Variants in NGEF observed in about 807,000 individuals in gnomAD.
The protein encoded by NGEF is neuronal guanine nucleotide exchange factor.
A neutral mutation model predicts 80.9 loss-of-function variants in NGEF; 31 were observed. The observed-to-expected ratio is 0.38, with a 90% CI of 0.29 to 0.52. The LOEUF is 0.52. NGEF is among the 20% of genes least tolerant of loss of function. The pLI, the probability that NGEF is intolerant of heterozygous loss-of-function variation, is 0.84. For synonymous variants in NGEF, 371 were observed against 370.2 expected, an observed-to-expected ratio of 1.00 and a Z score of -0.03; for missense variants, 709 against 926.2, an observed-to-expected ratio of 0.77 and a Z score of 3.04.
intron 3 of NGEF, among the ~76,000 whole-genome samples, chr2:232,960,092 C>G (rs1439483269): frequency 6.6e-6 from 1 of 152,226 alleles, no homozygotes; most frequent in Non-Finnish European, 1.5e-5. Flanking sequence ...TGGCCATTGC[C>G]AGGAACAGAG....
chr2:232,991,224 G>T (rs952734114), intron 1 of NGEF, among the ~76,000 whole-genome samples: 2 of 151,928 alleles, frequency 1.3e-5, no homozygotes, highest in African/African-American at 4.8e-5. Context: ...TATAATGGAG[G>T]TTATAAGACC....
In NGEF at chr2:232,986,229, G is replaced by A. The variant is rs144586299; in HGVS notation, c.-74-11265C>T. 2.8e-3 allele frequency among the ~76,000 whole-genome samples: 420 copies of A among 152,344 alleles called. 3 individuals are homozygous for A. The highest frequency in any genetic ancestry group is 9.2e-3 in the African/African-American group (383 of 41,586). ...AGAGCAAGTGTTGGTGAACGAAGAT[G>A]TGGGAAAAGGGCACCCTTGTGTGCT... On this transcript the variant is annotated intron_variant, in intron 1 of 14. Transcript: ENST00000264051.
chr2:232,888,373 C>T (rs1691767123), intron 8 of NGEF, among the ~76,000 whole-genome samples: 4 of 22,268 alleles, frequency 1.8e-4, no homozygotes, highest in African/African-American at 6.5e-4. Flanking sequence ...ACATGCACAC[C>T]GTGTAGAAAC....
intron 1 of NGEF, among the ~76,000 whole-genome samples, chr2:232,999,800 T>C (rs958815478): frequency 2.6e-5 from 4 of 152,242 alleles, no homozygotes; most frequent in African/African-American, 4.8e-5. Flanking sequence ...GATGTTTATG[T>C]GCAGGGGCTG....
At chr2:233,000,272 A>AT (rs1324758771) in intron 1 of NGEF, among the ~76,000 whole-genome samples, 2 of 152,032 alleles carry the variant, frequency 1.3e-5, no homozygotes, top group African/African-American at 2.4e-5. Context: ...ATTTTTTTGT[A>AT]TTTTTTGTAG....
chr2:232,977,780 G>C (rs1352594307), intron 1 of NGEF, among the ~76,000 whole-genome samples: 2 of 152,214 alleles, frequency 1.3e-5, no homozygotes, highest in Non-Finnish European at 2.9e-5. Flanking sequence ...CAGGCGGGGT[G>C]GTGGGGGACA....
chr2:232,976,922 G>T (rs929531041), intron 1 of NGEF, among the ~76,000 whole-genome samples: 1 of 152,168 alleles, frequency 6.6e-6, no homozygotes, highest in African/African-American at 2.4e-5. Flanking sequence ...AGAAAGCAAC[G>T]CTGCTATTTC....
chr2:232,888,347 T>A (rs1691765217), intron 8 of NGEF, among the ~76,000 whole-genome samples: 1 of 145,624 alleles, frequency 6.9e-6, no homozygotes, highest in African/African-American at 2.6e-5. Flanking sequence ...GATGCACACC[T>A]GCAAGCAGTG....
chr2:232,997,932 C>T (rs559522446), intron 1 of NGEF, among the ~76,000 whole-genome samples: 13 of 152,318 alleles, frequency 8.5e-5, no homozygotes, highest in Non-Finnish European at 1.6e-4. Context: ...GCAAGCTTCG[C>T]TACAAGTCCT....
At chr2:232,908,666 A>G (rs564955098) in intron 5 of NGEF, among the ~76,000 whole-genome samples, 8 of 152,108 alleles carry the variant, frequency 5.3e-5, no homozygotes, top group African/African-American at 1.7e-4. Context: ...CAGCCTCCCA[A>G]AGTGCTGGGA....
intron 1 of NGEF, among the ~76,000 whole-genome samples, chr2:232,983,420 A>AG (rs981388094): frequency 3.3e-5 from 5 of 151,358 alleles, no homozygotes; most frequent in Admixed American, 1.3e-4. Context: ...TTGGTGCCTG[A>AG]GGGGTGAATG....
At chr2:232,884,291 G>A in intron 10 of NGEF, 147 bp from the exon 11 acceptor site, 1 of 871,942 alleles carries the variant, frequency 1.1e-6, no homozygotes, top group South Asian at 1.8e-5. Context: ...GCCGAGTTCT[G>A]GACGGATGCA....
intron 3 of NGEF, among the ~76,000 whole-genome samples, chr2:232,944,362 G>A (rs1287137810): frequency 6.6e-6 from 1 of 152,154 alleles, no homozygotes; most frequent in Non-Finnish European, 1.5e-5. Flanking sequence ...ATATGCACAA[G>A]GTTATTCATT....
rs1180000304 is a variant in NGEF at position 232,995,375 on chromosome 2, A to G, written c.-75+17693T>C. On this transcript the variant is annotated intron_variant, in intron 1 of 14. Coordinates refer to ENST00000264051, the MANE Select transcript of NGEF (RefSeq NM_019850.3). Reference sequence around the variant, plus strand: ...TGTATACTGTATACTGTATATATATACACAGTATGTATACTGTATACTGTA... The same window carrying G: ...TGTATACTGTATACTGTATATATATGCACAGTATGTATACTGTATACTGTA... Among the ~76,000 whole-genome samples the G allele has an allele frequency of 4.1e-4, 4 of 9,776 alleles. 2 individuals carry two copies. The highest frequency in any genetic ancestry group is 2.5e-3 in the African/African-American group (4 of 1,628). 6.4% of individuals were successfully genotyped at this position (9,776 alleles called of 152,430 possible).
intron 5 of NGEF, among the ~76,000 whole-genome samples, chr2:232,913,884 C>T (rs2044452): frequency 0.084 from 12,722 of 151,150 alleles, 669 homozygotes; most frequent in East Asian, 0.17. Context: ...CCTGCCACTG[C>T]ACTCCAGCCT....
chr2:232,984,622 G>A lies in NGEF; in HGVS notation c.-74-9658C>T, dbSNP rs116963632. On this transcript the variant is annotated intron_variant, in intron 1 of 14. Transcript: ENST00000264051. ...GACAGCGTGATGGAGAAGAGGAACCGTGAGCTGCATGAACTGCAGCAAGCG... is the reference window on the plus strand; with the variant it reads ...GACAGCGTGATGGAGAAGAGGAACCATGAGCTGCATGAACTGCAGCAAGCG... 2.3e-3 allele frequency among the ~76,000 whole-genome samples: 346 copies of A among 152,244 alleles called. 4 individuals are homozygous for A. The highest frequency in any genetic ancestry group is 0.021 in the East Asian group (109 of 5,184).
intron 4 of NGEF, among the ~76,000 whole-genome samples, chr2:232,922,086 C>T (rs893812519): frequency 6.6e-6 from 1 of 152,114 alleles, no homozygotes; most frequent in South Asian, 2.1e-4. Context: ...GGATAGTGGC[C>T]GAGGCCCCTC....
At position 232,920,499 on chromosome 2, in the gene NGEF, T is replaced by C; in HGVS notation, c.613A>G (p.Thr205Ala). 3 of 1,601,122 alleles carry C rather than the reference T, an allele frequency of 1.9e-6. No individual in the cohort carries two copies. The South Asian group carries it at 3.4e-5, about 18-fold the overall frequency. The stretch of plus-strand genomic sequence containing the variant: ...TCCTCACTGGCCGGGGACCCATTGG[T>C]ATTGTCTTCTATTTCTGCATCCTGT... ...RQQDAEIEDN[T>A]NGSPASEDTP... The change falls in exon 5 of 15, where the codon ACC becomes GCC. Residue 205 changes from threonine (T) to alanine (A), a missense_variant. Around this residue, in one of 2 missense-constraint regions of NGEF, gnomAD observed 283 missense variants for 303.4 expected, o/e 0.93. Coordinates refer to ENST00000264051, the MANE Select transcript of NGEF (RefSeq NM_019850.3).
intron 1 of NGEF, among the ~76,000 whole-genome samples, chr2:232,993,116 T>TAA (rs1413244945): frequency 0.013 from 1,042 of 78,502 alleles, 28 homozygotes; most frequent in African/African-American, 0.05. Context: ...AATATATATA[T>TAA]ATAAATAAAT....
Sources: allele counts gnomAD v4.1 joint callset (sites outside exome capture counted in the v4.1 genomes callset), GRCh38; gene constraint gnomAD v4.1.1; regional missense constraint gnomAD v4.1.1; transcripts MANE v1.5; gene names NCBI Gene and HGNC (gene_info 2026-07-23, HGNC 2026-07-21).